The following DAB2IP variants were observed in gnomAD, a reference collection of about 807,000 sequenced individuals.
DAB2IP encodes the protein disabled homolog 2-interacting protein.
DAB2IP carries 28 observed loss-of-function variants against 107.2 expected under a neutral mutation model. That is an observed-to-expected ratio of 0.26 (90% CI 0.19 to 0.36). The LOEUF is 0.36. DAB2IP is among the 10% of genes least tolerant of loss of function. The pLI is 1.00. For missense variants in DAB2IP, 1,400 were observed against 1,644.7 expected (o/e 0.85, Z 2.57); for synonymous variants, 755 against 706.4 (o/e 1.07, Z -1.09).
At chr9:121,579,372 C>T (rs565491653) in intron 1 of DAB2IP, among the ~76,000 whole-genome samples, 3 of 152,278 alleles carry the variant, frequency 2.0e-5, no homozygotes, top group Admixed American at 1.3e-4. Context: ...GGTTTCCTCT[C>T]GCCTGTCTCT....
chr9:121,718,980 C>T lies in DAB2IP; in HGVS notation c.362+19522C>T, dbSNP rs558339797. Among the ~76,000 whole-genome samples the T allele has an allele frequency of 2.8e-4, 42 of 152,320 alleles. 3 individuals are homozygous for T. In the South Asian group the frequency reaches 8.1e-3, roughly 29 times the overall value. ...CTGTGCTTCACTTTTGGGTCCACTCCACCTGGTAGCAAGGGGGTGCTTCAT... is the reference window on the plus strand; with the variant it reads ...CTGTGCTTCACTTTTGGGTCCACTCTACCTGGTAGCAAGGGGGTGCTTCAT... On this transcript the variant is annotated intron_variant, in intron 3 of 15. Transcript: ENST00000408936.
At chr9:121,757,277 G>GTCCCCAAGACCCT in intron 4 of DAB2IP, 111 bp downstream of exon 4, 1 of 1,391,682 alleles carries the variant, frequency 7.2e-7, no homozygotes, top group Non-Finnish European at 9.7e-7. Flanking sequence ...GCAGGGGCCA[G>GTCCCCAAGACCCT]GGTCTTGGGG....
intron 2 of DAB2IP, among the ~76,000 whole-genome samples, chr9:121,680,193 G>A (rs1002697336): frequency 6.6e-6 from 1 of 152,206 alleles, no homozygotes; most frequent in Non-Finnish European, 1.5e-5. Context: ...AGGCCTGGCC[G>A]AGTCAAGGTC....
intron 3 of DAB2IP, among the ~76,000 whole-genome samples, chr9:121,700,582 C>T (rs1350349299): frequency 6.6e-6 from 1 of 152,200 alleles, no homozygotes; most frequent in Non-Finnish European, 1.5e-5. Context: ...GCGTAGGTAG[C>T]ATGAAAATGT....
chr9:121,737,292 T>C (rs755198317), intron 3 of DAB2IP: 259 of 985,370 alleles, frequency 2.6e-4, no homozygotes, highest in Non-Finnish European at 3.1e-4. Context: ...GGTTGTGCCA[T>C]GTGGTTACCT....
Position 121,699,392 on chromosome 9 carries a change from A to G in DAB2IP, c.296A>G (p.Asn99Ser). Residue 99 changes from asparagine (N) to serine (S), a missense_variant, in exon 3 of 16, where the codon AAC becomes AGC. Around this residue, in one of 3 missense-constraint regions of DAB2IP, gnomAD observed 283 missense variants for 237.0 expected, o/e 1.19. Coordinates refer to ENST00000408936, the Ensembl canonical transcript of DAB2IP. This position sits in a 1 kb window ranked among gnomAD's most constrained non-coding sequence, Gnocchi z 6.2. ...AAGAGCCAGCCCAAGCTGGACCGCA[A>G]CCACAGCTTCCGCCACATCCTGCCG... is the stretch of plus-strand genomic sequence containing the variant. The G allele has an allele frequency of 6.8e-7, 1 of 1,475,882 alleles. No homozygotes were observed. The highest frequency in any genetic ancestry group is 1.3e-5 in the South Asian group (1 of 79,000). 91.4% of individuals were successfully genotyped at this position (1,475,882 alleles called of 1,614,324 possible). A position where few individuals can be genotyped will look rare whatever the true frequency, so the allele number is the denominator to read the frequency against.
chr9:121,684,713 G>T lies in DAB2IP; in HGVS notation c.228+5932G>T, dbSNP rs1828775128. On this transcript the variant is annotated intron_variant, in intron 2 of 15. Transcript: ENST00000408936. This position sits in a 1 kb window ranked among gnomAD's most constrained non-coding sequence, Gnocchi z 4.0. ...TTTGTGCCCCTTCCAAGCTACGGAG[G>T]CTCCGGGTGGCTGTTGGGGTGGGGA... Among the ~76,000 whole-genome samples, 1 of 152,244 alleles carries T rather than the reference G, an allele frequency of 6.6e-6. No individual in the cohort carries two copies. Among genetic ancestry groups the T allele is most frequent in the Admixed American group, 6.5e-5 (1 of 15,292 alleles).
At chr9:121,731,351 G>T (rs954919223) in intron 3 of DAB2IP, among the ~76,000 whole-genome samples, 6 of 152,202 alleles carry the variant, frequency 3.9e-5, no homozygotes, top group African/African-American at 1.4e-4. Flanking sequence ...ACATGTCACG[G>T]CAAGGAGGTT....
At chr9:121,688,103 T>C (rs1828976970) in intron 2 of DAB2IP, among the ~76,000 whole-genome samples, 2 of 152,280 alleles carry the variant, frequency 1.3e-5, no homozygotes, top group South Asian at 4.1e-4. Flanking sequence ...CCTGTGGCCC[T>C]GCAGGTCCTC....
intron 3 of DAB2IP, among the ~76,000 whole-genome samples, chr9:121,700,241 G>T (rs982387975): frequency 1.3e-5 from 2 of 152,218 alleles, no homozygotes; most frequent in East Asian, 1.9e-4. Context: ...GAGGGAGGAG[G>T]AGGTGGTTCA....
chr9:121,665,858 A>G (rs1023790571), intron 1 of DAB2IP, among the ~76,000 whole-genome samples: 1 of 152,330 alleles, frequency 6.6e-6, no homozygotes, highest in South Asian at 2.1e-4. Context: ...ATAGTCCTGA[A>G]TCAGACGATG....
chr9:121,751,949 G>A, intron 3 of DAB2IP: 1 of 985,478 alleles, frequency 1.0e-6, no homozygotes, highest in Non-Finnish European at 1.2e-6. Context: ...CCTCCTTCCT[G>A]GGAGCAGTAA....
chr9:121,658,579 T>C (rs1266519524), intron 1 of DAB2IP, among the ~76,000 whole-genome samples: 1 of 152,212 alleles, frequency 6.6e-6, no homozygotes, highest in Non-Finnish European at 1.5e-5. Flanking sequence ...CCATGTGGCC[T>C]TCAGTTTGGA....
chr9:121,666,867 AACACACAC>A (rs59290421), intron 1 of DAB2IP, among the ~76,000 whole-genome samples: 6,316 of 128,632 alleles, frequency 0.049, 313 homozygotes, highest in East Asian at 0.14. Flanking sequence ...CCCCAGCCCC[AACACACAC>A]ACACACACAC....
At position 121,651,638 on chromosome 9, in the gene DAB2IP, T is replaced by C; in HGVS notation, c.-138T>C. 3 of 1,058,026 alleles carry C rather than the reference T, an allele frequency of 2.8e-6. No homozygotes were observed. The highest frequency in any genetic ancestry group is 3.4e-6 in the Non-Finnish European group (3 of 877,758). 65.5% of individuals were successfully genotyped at this position (1,058,026 alleles called of 1,614,324 possible). ...AGGCGGAGGAGGAGTTTGAGCGACT[T>C]TGTGGGGCAGCCAGGGCCTCGGCGG... is the stretch of plus-strand genomic sequence containing the variant. On this transcript the variant is annotated 5_prime_UTR_variant, in exon 1 of 16. Transcript: ENST00000408936. The surrounding 1 kb of genome is among the most constrained non-coding windows in gnomAD (Gnocchi z 5.1).
chr9:121,643,498 C>T (rs1023852497), intron 1 of DAB2IP, among the ~76,000 whole-genome samples: 3 of 152,026 alleles, frequency 2.0e-5, no homozygotes, highest in African/African-American at 4.8e-5. Flanking sequence ...TAGCCTGCTC[C>T]CCAGTCCTCA....
At chr9:121,654,192 ACAGACTGCG>A (rs1218202017) in intron 1 of DAB2IP, among the ~76,000 whole-genome samples, 2 of 152,094 alleles carry the variant, frequency 1.3e-5, no homozygotes, top group East Asian at 3.9e-4. Context: ...GACAGAATGA[ACAGACTGCG>A]CAGTCAGGGA....
intron 1 of DAB2IP, among the ~76,000 whole-genome samples, chr9:121,573,020 C>A (rs1389056673): frequency 1.3e-5 from 2 of 152,118 alleles, no homozygotes; most frequent in African/African-American, 4.8e-5. Context: ...TGGTAAGCAC[C>A]TACTCCATGC....
intron 1 of DAB2IP, among the ~76,000 whole-genome samples, chr9:121,655,652 A>G (rs1401767980): frequency 2.6e-5 from 4 of 151,988 alleles, no homozygotes; most frequent in Non-Finnish European, 4.4e-5. Flanking sequence ...TGGGCACATC[A>G]TAGGGCCTCA....
Sources: gnomAD v4.1 joint callset for allele counts (sites outside exome capture counted in the v4.1 genomes callset) on GRCh38, gnomAD v4.1.1 for gene constraint, gnomAD v4.1.1 regional missense constraint, Gnocchi (gnomAD v3.1) non-coding constraint, MANE v1.5 for transcripts, NCBI Gene and HGNC (gene_info 2026-07-23, HGNC 2026-07-21) for gene names.